KDM6A: variants seen among roughly 807,000 people sequenced by gnomAD.
The protein encoded by KDM6A is lysine demethylase 6A.
A neutral mutation model predicts 117.6 loss-of-function variants in KDM6A; 11 were observed. The observed-to-expected ratio is 0.09, with a 90% confidence interval of 0.06 to 0.15. The LOEUF (loss-of-function observed/expected upper bound fraction) is 0.15. Ranked by LOEUF, KDM6A falls within the 10% of genes least tolerant of loss-of-function variation. The pLI, the probability that KDM6A is intolerant of heterozygous loss-of-function variation, is 1.00. For synonymous variants in KDM6A, 384 were observed against 396.1 expected (o/e 0.97, Z 0.36); for missense variants, 799 against 1,077.3 (o/e 0.74, Z 3.62).
chrX:45,108,902 A>C, intron 28 of KDM6A, among the ~76,000 whole-genome samples: 1 of 97,412 alleles, frequency 1.0e-5, no homozygotes. Flanking sequence ...TCTCACTCAT[A>C]GGTGGGAATT....
intron 2 of KDM6A, among the ~76,000 whole-genome samples, chrX:44,875,484 C>T (rs955996958): frequency 9.1e-6 from 1 of 110,308 alleles, no homozygotes; most frequent in Admixed American, 9.7e-5. Context: ...GGCTTCATTA[C>T]AATTATTGCT....
chrX:45,054,841 G>A (rs1281906936), intron 10 of KDM6A, among the ~76,000 whole-genome samples: 1 of 111,521 alleles, frequency 9.0e-6, no homozygotes, highest in Non-Finnish European at 1.9e-5. Context: ...GGTCCTCAGG[G>A]GCAGGCTATT....
At chrX:45,104,024 CT>C (rs761228898) in intron 27 of KDM6A, among the ~76,000 whole-genome samples, 4,556 of 94,410 alleles carry the variant, frequency 0.048, 258 homozygotes, top group African/African-American at 0.17. Context: ...AAATTGAATT[CT>C]TTTTTTTTTT....
chrX:44,965,818 G>C (rs373255098), intron 3 of KDM6A, among the ~76,000 whole-genome samples: 1 of 112,314 alleles, frequency 8.9e-6, no homozygotes, highest in South Asian at 3.7e-4. Flanking sequence ...CGATAGACTT[G>C]CTCTACACAG....
intron 7 of KDM6A, among the ~76,000 whole-genome samples, chrX:45,035,216 T>G (rs970185331): frequency 6.2e-5 from 7 of 112,135 alleles, no homozygotes; most frequent in African/African-American, 2.3e-4. Context: ...ATTAAAAGTA[T>G]CTTCACTAAT....
chrX:45,068,805 TCTTTCTCTTTCTCTTTCTCTTTCC>T (rs1462024828), intron 17 of KDM6A, among the ~76,000 whole-genome samples: 3 of 98,835 alleles, frequency 3.0e-5, no homozygotes, highest in African/African-American at 1.2e-4. Context: ...TTTCTCTTTC[TCTTTCTCTTTCTCTTTCTCTTTCC>T]CTTTCCCTTT....
At chrX:44,924,800 C>A (rs2036210305) in intron 2 of KDM6A, among the ~76,000 whole-genome samples, 1 of 110,565 alleles carries the variant, frequency 9.0e-6, no homozygotes, top group African/African-American at 3.3e-5. Context: ...GCTGTGCTCC[C>A]ACTTTGGCCT....
At chrX:44,995,395 C>T (rs1466218947) in intron 4 of KDM6A, among the ~76,000 whole-genome samples, 2 of 110,411 alleles carry the variant, frequency 1.8e-5, no homozygotes, top group African/African-American at 6.6e-5. Context: ...ATACTGCTTG[C>T]CATTGGCCTT....
At chrX:45,068,261 T>A (rs1438217250) in intron 17 of KDM6A, among the ~76,000 whole-genome samples, 1 of 111,190 alleles carries the variant, frequency 9.0e-6, no homozygotes, top group African/African-American at 3.3e-5. Context: ...CTGTCCTATT[T>A]AATTATTTTG....
intron 15 of KDM6A, 50 bp from the exon 16 acceptor site, chrX:45,062,597 T>C (rs1240783359): frequency 1.3e-5 from 12 of 956,136 alleles, no homozygotes; most frequent in Non-Finnish European, 1.8e-5. Flanking sequence ...ATAATGATCT[T>C]ATTTCCTAAA....
At chrX:45,062,543 A>T (rs1431142735) in intron 15 of KDM6A, 104 bp from the exon 16 acceptor site, 1 of 554,234 alleles carries the variant, frequency 1.8e-6, no homozygotes, top group Non-Finnish European at 3.1e-6. Flanking sequence ...GTTTGACCAG[A>T]TAGTGGTTCT....
intron 28 of KDM6A, among the ~76,000 whole-genome samples, chrX:45,107,827 C>A (rs921352035): frequency 9.0e-6 from 1 of 111,639 alleles, no homozygotes; most frequent in East Asian, 2.8e-4. Flanking sequence ...TAAGAACAAT[C>A]TAGATGTACA....
chrX:45,012,083 G>A (rs2041783895), intron 5 of KDM6A, among the ~76,000 whole-genome samples: 1 of 110,507 alleles, frequency 9.0e-6, no homozygotes, highest in Non-Finnish European at 1.9e-5. Context: ...CCCCCACGCT[G>A]GCATCATCAT....
rs1350761254 is a variant in KDM6A, at chrX:45,111,445, T to C, written c.*34T>C. 1.8e-6 allele frequency: 2 copies of C among 1,133,275 alleles called. No individual in the cohort carries two copies. Among genetic ancestry groups the C allele is most frequent in the Admixed American group, 2.2e-5 (1 of 45,535 alleles). 93.4% of individuals were successfully genotyped at this position (1,133,275 alleles called of 1,213,427 possible). ...CATGGACATTAAATGAGACCTTTTC[T>C]GCTATTCAGGAAATAACCCAGTTCT... is the stretch of plus-strand genomic sequence containing the variant. On this transcript the variant is annotated 3_prime_UTR_variant, in exon 30 of 30. Coordinates refer to ENST00000611820, the MANE Select transcript of KDM6A (RefSeq NM_001291415.2).
chrX:44,877,312 A>G (rs932669305), intron 2 of KDM6A, among the ~76,000 whole-genome samples: 4 of 111,263 alleles, frequency 3.6e-5, no homozygotes, highest in African/African-American at 1.3e-4. Context: ...TTTTTTGGTA[A>G]TGTCTTTAAG....
rs187487366 is a variant in KDM6A at position 44,962,199 on chromosome X, G to A, written c.334+807G>A. Among the ~76,000 whole-genome samples the A allele has an allele frequency of 3.7e-4, 41 of 112,047 alleles. 1 individual carries two copies. The highest frequency in any genetic ancestry group is 1.2e-3 in the African/African-American group (38 of 30,861). ...TCAGGGCTAAAGTGAAGGATTGTTAGTATTTCATATTGATGTTTTATTATG... is the reference window on the plus strand; with the variant it reads ...TCAGGGCTAAAGTGAAGGATTGTTAATATTTCATATTGATGTTTTATTATG... On this transcript the variant is annotated intron_variant, in intron 3 of 29. Transcript: ENST00000611820.
chrX:45,110,129 G>T lies in KDM6A; in HGVS notation c.4212G>T (p.Lys1404Asn). Residue 1404 changes from lysine to asparagine, a missense_variant, in exon 29 of 30, where the codon AAG (lysine) becomes AAT (asparagine). Transcript: ENST00000611820. ...TCACTAATGAGAGTAATTCACGAAA[G>T]ACCTACATAGTACATTGCCAAGATT... ...LFVTNESNSR[K>N]TYIVHCQDCA... The T allele has an allele frequency of 8.3e-7, 1 of 1,210,192 alleles. No homozygotes were observed. The highest frequency in any genetic ancestry group is 1.1e-6 in the Non-Finnish European group (1 of 894,183).
chrX:45,078,569 A>G, intron 20 of KDM6A, 64 bp downstream of exon 20: 1 of 889,191 alleles, frequency 1.1e-6, no homozygotes. Flanking sequence ...TAACTTTTCC[A>G]GCACTGGCAG....
chrX:44,895,874 A>G (rs1344392517), intron 2 of KDM6A, among the ~76,000 whole-genome samples: 5 of 103,850 alleles, frequency 4.8e-5, no homozygotes, highest in Non-Finnish European at 9.8e-5. Flanking sequence ...GGTTATCTTA[A>G]TATATTTTAG....
Sources: gnomAD v4.1 joint callset for allele counts (sites outside exome capture counted in the v4.1 genomes callset) on GRCh38, gnomAD v4.1.1 for gene constraint, MANE v1.5 for transcripts, NCBI Gene and HGNC (gene_info 2026-07-23, HGNC 2026-07-21) for gene names.